VPS45: variants seen among roughly 807,000 people sequenced by gnomAD.
VPS45 encodes the protein vacuolar protein sorting 45 homolog.
In VPS45, 35 loss-of-function variants were observed where a neutral mutation model predicts 75.9. The ratio of observed to expected loss-of-function variants is 0.46; its 90% CI spans 0.35 to 0.61. VPS45 has a LOEUF of 0.61. Among genes scored for constraint, VPS45 ranks in the 20% least tolerant of loss-of-function variants. The pLI, the probability that VPS45 is intolerant of heterozygous loss-of-function variation, is 0.00. For missense variants in VPS45, 559 were observed against 685.9 expected (o/e 0.81, Z 2.07); for synonymous variants, 220 against 238.2 (o/e 0.92, Z 0.70).
Position 150,144,891 on chromosome 1 carries a change from G to T in VPS45, c.*95G>T. The T allele has an allele frequency of 6.3e-7, 1 of 1,580,478 alleles. No homozygotes were observed. Among genetic ancestry groups the T allele is most frequent in the Non-Finnish European group, 8.6e-7 (1 of 1,165,490 alleles). ...GTGTTGGAGAGCAGCTTTGGGTTCT[G>T]TGCTGGTTGTTAGAACTCATCTCCA... On this transcript the variant is annotated 3_prime_UTR_variant, in exon 15 of 15. Coordinates refer to ENST00000644510, the MANE Select transcript of VPS45 (RefSeq NM_007259.5).
chr1:150,089,397 C>T (rs1404930646), intron 10 of VPS45, among the ~76,000 whole-genome samples: 3 of 151,910 alleles, frequency 2.0e-5, no homozygotes, highest in Non-Finnish European at 2.9e-5. Flanking sequence ...TTCACTCTGT[C>T]GCCCAGGCTG....
intron 13 of VPS45, among the ~76,000 whole-genome samples, chr1:150,098,333 T>C (rs1443964537): frequency 6.6e-6 from 1 of 152,258 alleles, no homozygotes; most frequent in African/African-American, 2.4e-5. Flanking sequence ...CACAGTGATT[T>C]ACAAATAATA....
chr1:150,095,875 T>G (rs1024044768), intron 13 of VPS45, among the ~76,000 whole-genome samples: 3 of 152,066 alleles, frequency 2.0e-5, no homozygotes, highest in Admixed American at 6.5e-5. Flanking sequence ...GTTAAGCATA[T>G]GAGTAACATG....
chr1:150,069,330 C>A (rs1305758776), intron 2 of VPS45, among the ~76,000 whole-genome samples: 1 of 150,284 alleles, frequency 6.7e-6, no homozygotes, highest in African/African-American at 2.5e-5. Context: ...CATTCCTGTT[C>A]CTTGTTTTTT....
intron 14 of VPS45, among the ~76,000 whole-genome samples, chr1:150,128,144 T>C (rs1367572833): frequency 6.6e-6 from 1 of 151,566 alleles, no homozygotes; most frequent in African/African-American, 2.4e-5. Context: ...CTACCAAAAA[T>C]ACAAAAAAAT....
In VPS45 at chr1:150,084,178, CAGAATT is replaced by C. The variant is rs149687204; in HGVS notation, c.1104+1299_1104+1304del. On this transcript the variant is annotated intron_variant, in intron 10 of 14. Coordinates refer to ENST00000644510, the MANE Select transcript of VPS45 (RefSeq NM_007259.5). ...TGACCTGTAGAGAGTGAGTATGAAA[CAGAATT>C]AGATAAAATTGAATTGGTAAACAAA... is the stretch of plus-strand genomic sequence containing the variant. Among the ~76,000 whole-genome samples the C allele has an allele frequency of 4.2e-3, 642 of 152,062 alleles. 6 individuals carry two copies. Among genetic ancestry groups the C allele is most frequent in the Middle Eastern group, 0.024 (7 of 294 alleles).
chr1:150,088,709 G>T (rs1656161538), intron 10 of VPS45, among the ~76,000 whole-genome samples: 1 of 151,836 alleles, frequency 6.6e-6, no homozygotes, highest in African/African-American at 2.4e-5. Flanking sequence ...CAGCTCCTGA[G>T]CTCAAGCAGT....
chr1:150,121,022 C>T (rs999743834), intron 14 of VPS45, among the ~76,000 whole-genome samples: 3 of 151,950 alleles, frequency 2.0e-5, no homozygotes, highest in African/African-American at 4.8e-5. Flanking sequence ...TGCCCGCCAC[C>T]GCGCCCGGCT....
chr1:150,134,828 A>C (rs1553813212), intron 14 of VPS45, among the ~76,000 whole-genome samples: 7 of 152,038 alleles, frequency 4.6e-5, no homozygotes. Flanking sequence ...TATATTTTTT[A>C]TTATTACTAT....
At chr1:150,138,704 C>T (rs781922197) in intron 14 of VPS45, among the ~76,000 whole-genome samples, 2 of 152,262 alleles carry the variant, frequency 1.3e-5, no homozygotes, top group African/African-American at 4.8e-5. Context: ...CCATTGAGAA[C>T]CAGTGTTTCT....
chr1:150,095,318 A>C (rs1656560001), intron 13 of VPS45, among the ~76,000 whole-genome samples: 1 of 152,214 alleles, frequency 6.6e-6, no homozygotes, highest in African/African-American at 2.4e-5. Flanking sequence ...GCTTTGAGTC[A>C]TAAGAAAGAA....
At chr1:150,099,832 CAAAAA>C (rs1241681093) in intron 13 of VPS45, among the ~76,000 whole-genome samples, 2 of 108,520 alleles carry the variant, frequency 1.8e-5, no homozygotes, top group Non-Finnish European at 3.6e-5. Context: ...GACTCCGTCT[CAAAAA>C]AAAAAAAAAA....
At chr1:150,073,214 T>G (rs1183914315) in intron 3 of VPS45, among the ~76,000 whole-genome samples, 1 of 152,180 alleles carries the variant, frequency 6.6e-6, no homozygotes, top group Non-Finnish European at 1.5e-5. Flanking sequence ...GTCTATTTGG[T>G]AACATTTCCA....
chr1:150,111,932 A>C (rs1424526035), intron 14 of VPS45, among the ~76,000 whole-genome samples: 1 of 152,108 alleles, frequency 6.6e-6, no homozygotes, highest in African/African-American at 2.4e-5. Flanking sequence ...TCTGATGTAA[A>C]CGTCTTCTAG....
At chr1:150,075,089 T>G (rs1655298997) in intron 3 of VPS45, among the ~76,000 whole-genome samples, 1 of 142,762 alleles carries the variant, frequency 7.0e-6, no homozygotes, top group South Asian at 2.1e-4. Flanking sequence ...GGTCTTGAAC[T>G]CTTAGTACCA....
At position 150,074,898 on chromosome 1, in the gene VPS45, T is replaced by A. The variant is rs182464305; in HGVS notation, c.290-1335T>A. Among the ~76,000 whole-genome samples the A allele has an allele frequency of 3.9e-4, 59 of 150,980 alleles. No individual in the cohort carries two copies. The East Asian group carries it at 6.0e-3, about 15-fold the overall frequency. ...TCTAAAAGATAAGGACTCATTTTTTTAAAAAACACATTTCCATTATTACAT... is the reference window on the plus strand; with the variant it reads ...TCTAAAAGATAAGGACTCATTTTTTAAAAAAACACATTTCCATTATTACAT... On this transcript the variant is annotated intron_variant, in intron 3 of 14. Coordinates refer to ENST00000644510, the MANE Select transcript of VPS45 (RefSeq NM_007259.5).
chr1:150,126,116 G>C (rs1361601898), intron 14 of VPS45, among the ~76,000 whole-genome samples: 1 of 152,088 alleles, frequency 6.6e-6, no homozygotes, highest in Non-Finnish European at 1.5e-5. Context: ...ATTGCCAGTA[G>C]AAGGATAAAT....
At chr1:150,124,313 G>A (rs1196223286) in intron 14 of VPS45, among the ~76,000 whole-genome samples, 1 of 151,904 alleles carries the variant, frequency 6.6e-6, no homozygotes, top group Non-Finnish European at 1.5e-5. Context: ...ACAAAAATCA[G>A]TCAGACGTGG....
chr1:150,076,352 C>T (rs1431241948), intron 4 of VPS45, 40 bp downstream of exon 4: 14 of 1,489,596 alleles, frequency 9.4e-6, no homozygotes, highest in Non-Finnish European at 1.3e-5. Context: ...GTATGTTGGC[C>T]CTTTTTAAAT....
Sources: allele counts gnomAD v4.1 joint callset (sites outside exome capture counted in the v4.1 genomes callset), GRCh38; gene constraint gnomAD v4.1.1; transcripts MANE v1.5; gene names NCBI Gene and HGNC (gene_info 2026-07-23, HGNC 2026-07-21).